Variants in TTBK2 observed in about 807,000 individuals in gnomAD.
TTBK2 encodes tau tubulin kinase 2, also known as tau-tubulin kinase 2.
TTBK2 carries 28 observed loss-of-function variants against 110.8 expected under a neutral mutation model. The observed-to-expected ratio is 0.25, with a 90% confidence interval of 0.19 to 0.35. TTBK2 has a LOEUF of 0.35. Among genes scored for constraint, TTBK2 ranks in the 10% least tolerant of loss-of-function variants. TTBK2 has a pLI of 1.00. For synonymous variants in TTBK2, 532 were observed against 527.3 expected, an observed-to-expected ratio of 1.01 and a Z score of -0.12; for missense variants, 1,369 against 1,500.3, an observed-to-expected ratio of 0.91 and a Z score of 1.45.
At chr15:42,855,779 G>T (rs771732992) in intron 3 of TTBK2, among the ~76,000 whole-genome samples, 1 of 152,184 alleles carries the variant, frequency 6.6e-6, no homozygotes, top group Non-Finnish European at 1.5e-5. Flanking sequence ...CCGCCTCCCG[G>T]GTTCACGCCA....
intron 3 of TTBK2, among the ~76,000 whole-genome samples, chr15:42,846,982 C>A (rs902348618): frequency 5.3e-5 from 8 of 152,188 alleles, no homozygotes; most frequent in Non-Finnish European, 7.3e-5. Flanking sequence ...ATCTCTTCAT[C>A]CAGCTGTTCA....
At chr15:42,908,557 T>C (rs1476233087) in intron 1 of TTBK2, among the ~76,000 whole-genome samples, 4 of 152,204 alleles carry the variant, frequency 2.6e-5, no homozygotes, top group African/African-American at 9.6e-5. Flanking sequence ...AGCATTATCA[T>C]AGTTAATATC....
At chr15:42,807,377 A>G (rs1311321884) in intron 9 of TTBK2, among the ~76,000 whole-genome samples, 1 of 151,992 alleles carries the variant, frequency 6.6e-6, no homozygotes, top group African/African-American at 2.4e-5. Flanking sequence ...TAATAAAGAT[A>G]TTTGTGTTAC....
intron 10 of TTBK2, among the ~76,000 whole-genome samples, chr15:42,786,362 T>C (rs2140827189): frequency 6.6e-6 from 1 of 152,356 alleles, no homozygotes; most frequent in Non-Finnish European, 1.5e-5. Context: ...GACACTAACA[T>C]ACATGTACTA....
chr15:42,840,232 C>A (rs1422036793), intron 4 of TTBK2, 128 bp downstream of exon 4: 6 of 852,476 alleles, frequency 7.0e-6, no homozygotes, highest in Non-Finnish European at 1.2e-5. Context: ...AAATACAGTT[C>A]CATCTGCATA....
chr15:42,891,757 T>C (rs1596029515), intron 1 of TTBK2, among the ~76,000 whole-genome samples: 2 of 152,256 alleles, frequency 1.3e-5, no homozygotes, highest in East Asian at 3.9e-4. Flanking sequence ...TGTGAGTCAT[T>C]CTAAGCAAAT....
chr15:42,898,957 T>C (rs560286664), intron 1 of TTBK2, among the ~76,000 whole-genome samples: 1 of 152,320 alleles, frequency 6.6e-6, no homozygotes, highest in African/African-American at 2.4e-5. Context: ...AAAACTCTAA[T>C]AATAAAAACT....
intron 10 of TTBK2, among the ~76,000 whole-genome samples, chr15:42,794,128 A>G (rs529558997): frequency 3.8e-4 from 58 of 151,800 alleles, no homozygotes; most frequent in Non-Finnish European, 3.2e-4. Context: ...ACAAATAAAA[A>G]AACAAAATAA....
intron 14 of TTBK2, 144 bp downstream of exon 14, chr15:42,751,830 C>T: frequency 2.1e-6 from 2 of 952,996 alleles, no homozygotes; most frequent in Non-Finnish European, 3.3e-6. Flanking sequence ...ACTTCTACTG[C>T]ACTAGGCTGT....
intron 1 of TTBK2, among the ~76,000 whole-genome samples, chr15:42,896,126 C>T (rs1386613987): frequency 3.3e-5 from 5 of 151,608 alleles, no homozygotes; most frequent in Admixed American, 6.6e-5. Flanking sequence ...GTGAGGAGTT[C>T]GAGACCACCC....
At chr15:42,785,124 T>C (rs1052093576) in intron 10 of TTBK2, among the ~76,000 whole-genome samples, 2 of 143,228 alleles carry the variant, frequency 1.4e-5, no homozygotes, top group East Asian at 4.5e-4. Flanking sequence ...GATTTTTTTT[T>C]TTTTTTTTTT....
chr15:42,906,461 AT>A (rs2030404808), intron 1 of TTBK2, among the ~76,000 whole-genome samples: 1 of 152,188 alleles, frequency 6.6e-6, no homozygotes, highest in Non-Finnish European at 1.5e-5. Flanking sequence ...CATTGTTATA[AT>A]TTTGCTTTTA....
At position 42,893,798 on chromosome 15, in the gene TTBK2, A is replaced by G. The variant is rs563964635; in HGVS notation, c.-67-15114T>C. Among the ~76,000 whole-genome samples, 424 of 152,278 alleles carry G rather than the reference A, an allele frequency of 2.8e-3. 2 individuals are homozygous for G. The highest frequency in any genetic ancestry group is 5.2e-3 in the Admixed American group (80 of 15,282). ...TAGGAATGAAACAGGGGTTATCACTATAGACTCCACAGACATAAATATATA... is the reference window on the plus strand; with the variant it reads ...TAGGAATGAAACAGGGGTTATCACTGTAGACTCCACAGACATAAATATATA... On this transcript the variant is annotated intron_variant, in intron 1 of 14. Transcript: ENST00000267890.
At position 42,752,309 on chromosome 15, in the gene TTBK2, G is replaced by A; in HGVS notation, c.2937C>T (p.Val979=). Residue 979 remains valine, a synonymous_variant, in exon 14 of 15, where the codon GTC becomes GTT. Coordinates refer to ENST00000267890, the MANE Select transcript of TTBK2 (RefSeq NM_173500.4). Reference sequence around the variant, plus strand: ...ATTGTCTTTTTTCCACCAGAAGCTTGACTAGGTCTGGCTGATAGGCTTTCT... The same window carrying A: ...ATTGTCTTTTTTCCACCAGAAGCTTAACTAGGTCTGGCTGATAGGCTTTCT... ...LQKKAYQPDL[V]KLLVEKRQFK... 2.0e-5 allele frequency: 32 copies of A among 1,614,198 alleles called. No individual in the cohort carries two copies. The highest frequency in any genetic ancestry group is 2.7e-5 in the Non-Finnish European group (32 of 1,180,044).
chr15:42,826,106 C>A (rs538818709), intron 6 of TTBK2, among the ~76,000 whole-genome samples: 1 of 151,996 alleles, frequency 6.6e-6, no homozygotes, highest in African/African-American at 2.4e-5. Context: ...GTCCAAACAA[C>A]CAATTCAAGT....
At chr15:42,833,107 A>T (rs1290690264) in intron 4 of TTBK2, among the ~76,000 whole-genome samples, 1 of 151,882 alleles carries the variant, frequency 6.6e-6, no homozygotes. Flanking sequence ...ACTGAGCTTA[A>T]TACCTGGGTG....
intron 4 of TTBK2, 125 bp downstream of exon 4, chr15:42,840,235 T>C (rs930877934): frequency 7.9e-6 from 7 of 883,862 alleles, no homozygotes; most frequent in Non-Finnish European, 1.3e-5. Context: ...TACAGTTCCA[T>C]CTGCATAGTA....
At chr15:42,786,804 C>T (rs1266430067) in intron 10 of TTBK2, among the ~76,000 whole-genome samples, 1 of 152,144 alleles carries the variant, frequency 6.6e-6, no homozygotes, top group East Asian at 1.9e-4. Flanking sequence ...TTCTCCTTCC[C>T]TGGTTATTGT....
At chr15:42,863,593 TC>T (rs1296869052) in intron 3 of TTBK2, among the ~76,000 whole-genome samples, 1 of 152,132 alleles carries the variant, frequency 6.6e-6, no homozygotes, top group Non-Finnish European at 1.5e-5. Flanking sequence ...ATTCTAAAAT[TC>T]ATATGGAACC....
Sources: allele counts gnomAD v4.1 joint callset (sites outside exome capture counted in the v4.1 genomes callset), GRCh38; gene constraint gnomAD v4.1.1; transcripts MANE v1.5; gene names NCBI Gene and HGNC (gene_info 2026-07-23, HGNC 2026-07-21).